Variants in ARAP2 observed in about 807,000 individuals in gnomAD.
ARAP2 encodes ArfGAP with RhoGAP domain, ankyrin repeat and PH domain 2.
ARAP2 carries 148 observed loss-of-function variants against 194.5 expected under a neutral mutation model. The ratio of observed to expected loss-of-function variants is 0.76; its 90% CI spans 0.67 to 0.87. ARAP2 has a LOEUF of 0.87. ARAP2 is among the 40% of genes least tolerant of loss of function. ARAP2 has a pLI of 0.00. For synonymous variants in ARAP2, 695 were observed against 683.5 expected, an observed-to-expected ratio of 1.02 and a Z score of -0.26; for missense variants, 2,128 against 1,989.7, an observed-to-expected ratio of 1.07 and a Z score of -1.32.
intron 31 of ARAP2, among the ~76,000 whole-genome samples, chr4:36,078,660 G>A (rs1728790117): frequency 1.3e-5 from 2 of 152,158 alleles, no homozygotes; most frequent in Admixed American, 1.3e-4. Flanking sequence ...ACGAGGACTA[G>A]GATTAAAACA....
chr4:36,216,193 C>T (rs1213316692), intron 2 of ARAP2, among the ~76,000 whole-genome samples: 1 of 151,976 alleles, frequency 6.6e-6, no homozygotes, highest in East Asian at 1.9e-4. Context: ...GAGGTTGAGG[C>T]TGCAGTGAGT....
chr4:36,234,837 T>C (rs145309771), intron 1 of ARAP2, among the ~76,000 whole-genome samples: 239 of 152,306 alleles, frequency 1.6e-3, no homozygotes, highest in Non-Finnish European at 2.8e-3. Flanking sequence ...CCATATAAGC[T>C]ACACAATAAA....
chr4:36,007,320 C>G (rs542069020), intron 9 of ARAP2, among the ~76,000 whole-genome samples: 80 of 151,920 alleles, frequency 5.3e-4, no homozygotes, highest in Non-Finnish European at 1.1e-3. Context: ...GGCCTTTAAT[C>G]AAAACACAAG....
intron 19 of ARAP2, among the ~76,000 whole-genome samples, chr4:36,146,336 C>A (rs560620273): frequency 5.3e-5 from 8 of 152,074 alleles, no homozygotes; most frequent in African/African-American, 1.7e-4. Context: ...TAAATCAGAC[C>A]ATTCCACTCC....
chr4:36,239,980 C>G (rs1275010408), intron 1 of ARAP2, among the ~76,000 whole-genome samples: 3 of 152,302 alleles, frequency 2.0e-5, no homozygotes, highest in Non-Finnish European at 4.4e-5. Flanking sequence ...TAGTTCCACC[C>G]AGGCAGTAGT....
intron 32 of ARAP2, among the ~76,000 whole-genome samples, chr4:36,070,920 A>G (rs1175851405): frequency 1.3e-5 from 2 of 152,184 alleles, no homozygotes; most frequent in Non-Finnish European, 2.9e-5. Flanking sequence ...AGTTTGCATA[A>G]GTGAGAGCTT....
intron 19 of ARAP2, among the ~76,000 whole-genome samples, chr4:36,144,677 C>G (rs1316617156): frequency 6.6e-6 from 1 of 151,842 alleles, no homozygotes; most frequent in Non-Finnish European, 1.5e-5. Context: ...CAGATAACCA[C>G]TGAAAGTCAT....
Position 36,161,549 on chromosome 4 carries a change from T to C in ARAP2, c.2175A>G (p.Gly725=). The C allele has an allele frequency of 3.1e-6, 5 of 1,609,360 alleles. No individual in the cohort carries two copies. The highest frequency in any genetic ancestry group is 4.2e-6 in the Non-Finnish European group (5 of 1,176,760). Residue 725 remains glycine (G), a splice_region_variant and synonymous_variant, in exon 12 of 33, where the codon GGA becomes GGG. Coordinates refer to ENST00000303965, the MANE Select transcript of ARAP2 (RefSeq NM_015230.4). ...CTTTTGGTCCTAAAGATCTATGCTG[T>C]CCTAGAGTCAAAACACAATTGCATT... ...LCVVICKKCA[G]QHRSLGPKDS... is the part of the protein sequence containing the mutation.
At chr4:36,031,750 C>A (rs1001029619) in intron 5 of ARAP2, among the ~76,000 whole-genome samples, 1 of 151,396 alleles carries the variant, frequency 6.6e-6, no homozygotes, top group Non-Finnish European at 1.5e-5. Context: ...CTCACTGCAA[C>A]CTCTGCCTCC....
rs183539277 is a variant in ARAP2 at position 36,164,842 on chromosome 4, T to C, written c.2173+72A>G. The C allele has an allele frequency of 8.7e-5, 124 of 1,417,618 alleles. 2 individuals carry two copies. In the Admixed American group the frequency reaches 1.6e-3, roughly 18 times the overall value. The allele number at this position is 1,417,618 out of a possible 1,614,324, so 87.8% of individuals were successfully genotyped here. ...CATAACCATTAGCTAGGATATATAA[T>C]ATGCAACAATGAAGAGCATTCAATG... On this transcript the variant is annotated intron_variant, in intron 11 of 32. Coordinates refer to ENST00000303965, the MANE Select transcript of ARAP2 (RefSeq NM_015230.4).
intron 2 of ARAP2, among the ~76,000 whole-genome samples, chr4:36,215,252 T>C (rs6838570): frequency 0.87 from 132,207 of 152,222 alleles, 57,590 homozygotes; most frequent in East Asian, 0.95. Flanking sequence ...TATAAATCAA[T>C]GGAATTGAAT....
At chr4:36,046,674 G>A (rs1023944707) in intron 4 of ARAP2, 2 of 152,270 alleles carry the variant, frequency 1.3e-5, no homozygotes. Context: ...GAGCTAACCA[G>A]AGCCCTGGCC....
At chr4:36,147,878 T>C (rs1452632618) in intron 17 of ARAP2, 132 bp from the exon 18 acceptor site, 7 of 770,478 alleles carry the variant, frequency 9.1e-6, no homozygotes, top group Non-Finnish European at 1.4e-5. Context: ...TAACACCAAA[T>C]TCAAAACAAC....
At chr4:36,153,989 T>C (rs373278862) in intron 15 of ARAP2, among the ~76,000 whole-genome samples, 1 of 152,142 alleles carries the variant, frequency 6.6e-6, no homozygotes, top group Admixed American at 6.5e-5. Context: ...GCATCAGAGC[T>C]GGGGAAGGAA....
chr4:36,082,227 A>G (rs1462022025), intron 30 of ARAP2, 24 bp downstream of exon 30: 2 of 1,605,120 alleles, frequency 1.2e-6, no homozygotes, highest in Non-Finnish European at 1.7e-6. Context: ...TATTATGTCC[A>G]AAAGTTGTCA....
At chr4:36,024,186 G>A (rs1717503514) in intron 5 of ARAP2, among the ~76,000 whole-genome samples, 1 of 151,954 alleles carries the variant, frequency 6.6e-6, no homozygotes, top group Non-Finnish European at 1.5e-5. Flanking sequence ...GCAACTATAG[G>A]GTGAATAGCA....
chr4:36,227,665 G>A (rs753300970), intron 2 of ARAP2, among the ~76,000 whole-genome samples: 3 of 152,210 alleles, frequency 2.0e-5, no homozygotes, highest in South Asian at 2.1e-4. Context: ...AAACTCCAGC[G>A]TGGAGCCTGT....
intron 31 of ARAP2, among the ~76,000 whole-genome samples, chr4:36,076,818 C>T (rs1728363999): frequency 6.6e-6 from 1 of 152,126 alleles, no homozygotes; most frequent in Admixed American, 6.6e-5. Flanking sequence ...ATCTAATAGG[C>T]ATCTCAAATT....
chr4:36,185,649 C>G (rs1239820871), intron 8 of ARAP2, among the ~76,000 whole-genome samples: 1 of 151,946 alleles, frequency 6.6e-6, no homozygotes, highest in Non-Finnish European at 1.5e-5. Flanking sequence ...GTAGTCATTT[C>G]CAACTGGTGG....
Sources: allele counts gnomAD v4.1 joint callset (sites outside exome capture counted in the v4.1 genomes callset), GRCh38; gene constraint gnomAD v4.1.1; transcripts MANE v1.5; gene names NCBI Gene and HGNC (gene_info 2026-07-23, HGNC 2026-07-21).